The following RBFOX1 variants were observed in gnomAD, a reference collection of about 807,000 sequenced individuals.
RBFOX1 encodes RNA binding protein fox-1 homolog 1.
Under a neutral mutation model 57.7 loss-of-function variants are expected in RBFOX1, and 8 were observed. The observed-to-expected ratio is 0.14, with a 90% CI of 0.08 to 0.25. The LOEUF is 0.25. Among genes scored for constraint, RBFOX1 ranks in the 10% least tolerant of loss-of-function variants. The pLI is 1.00. For synonymous variants in RBFOX1, 326 were observed against 222.4 expected (o/e 1.47, Z -4.15); for missense variants, 611 against 548.5 (o/e 1.11, Z -1.14).
At chr16:5,861,642 G>A (rs1567639503) in intron 3 of RBFOX1, among the ~76,000 whole-genome samples, 1 of 152,126 alleles carries the variant, frequency 6.6e-6, no homozygotes, top group African/African-American at 2.4e-5. Flanking sequence ...TCACCCATAG[G>A]ACTCCCCCTA....
chr16:7,638,279 G>A (rs1261858815), intron 11 of RBFOX1, among the ~76,000 whole-genome samples: 1 of 152,196 alleles, frequency 6.6e-6, no homozygotes, highest in Non-Finnish European at 1.5e-5. Flanking sequence ...CTATAGGACA[G>A]GTATGATTAA....
chr16:5,691,879 G>T (rs1306391498), intron 3 of RBFOX1, among the ~76,000 whole-genome samples: 1 of 152,182 alleles, frequency 6.6e-6, no homozygotes, highest in Admixed American at 6.5e-5. Flanking sequence ...ATCCAGTTGG[G>T]ATTCAAGCCA....
intron 2 of RBFOX1, among the ~76,000 whole-genome samples, chr16:5,500,195 T>TTCATTCCATTC (rs1567166460): frequency 7.0e-5 from 9 of 127,734 alleles, no homozygotes; most frequent in East Asian, 2.7e-4. Context: ...CTCCCTCCCT[T>TTCATTCCATTC]CATTCCATTC....
At chr16:7,695,285 C>A (rs571652135) in intron 14 of RBFOX1, among the ~76,000 whole-genome samples, 16 of 152,158 alleles carry the variant, frequency 1.1e-4, no homozygotes, top group African/African-American at 3.9e-4. Context: ...TATCTCCCAG[C>A]AAGTTCACCT....
chr16:6,208,577 G>A (rs868456259), intron 1 of RBFOX1, among the ~76,000 whole-genome samples: 10 of 152,178 alleles, frequency 6.6e-5, no homozygotes, highest in African/African-American at 2.4e-4. Context: ...CAAAGTGCCT[G>A]ATGTAGATCA....
At chr16:7,390,010 G>T (rs1046179973) in intron 4 of RBFOX1, among the ~76,000 whole-genome samples, 6 of 152,228 alleles carry the variant, frequency 3.9e-5, no homozygotes, top group South Asian at 4.2e-4. Flanking sequence ...TTCTGGGGAG[G>T]CCTCAGGAAA....
chr16:6,667,755 G>T (rs2098741761), intron 3 of RBFOX1, among the ~76,000 whole-genome samples: 1 of 152,006 alleles, frequency 6.6e-6, no homozygotes, highest in Non-Finnish European at 1.5e-5. Flanking sequence ...TAGGCATGAT[G>T]GTGCGTGCCT....
intron 2 of RBFOX1, among the ~76,000 whole-genome samples, chr16:5,554,545 C>T (rs951897713): frequency 7.2e-5 from 11 of 152,008 alleles, no homozygotes; most frequent in Non-Finnish European, 1.6e-4. Flanking sequence ...TTAGCAACTT[C>T]AATCAGATAG....
intron 3 of RBFOX1, among the ~76,000 whole-genome samples, chr16:5,770,177 G>C (rs748090414): frequency 2.0e-5 from 3 of 151,984 alleles, no homozygotes; most frequent in Non-Finnish European, 4.4e-5. Context: ...TCTCATGTTG[G>C]ACCTGAGGTA....
chr16:6,705,711 A>G (rs1205660901), intron 3 of RBFOX1, among the ~76,000 whole-genome samples: 2 of 152,204 alleles, frequency 1.3e-5, no homozygotes, highest in African/African-American at 4.8e-5. Flanking sequence ...AATGAGAAAT[A>G]AAGAGGGATA....
At chr16:5,971,242 T>C (rs2059956302) in intron 4 of RBFOX1, among the ~76,000 whole-genome samples, 2 of 152,248 alleles carry the variant, frequency 1.3e-5, no homozygotes, top group South Asian at 4.1e-4. Flanking sequence ...TGAGGATGTA[T>C]TTCTGAGCTG....
At chr16:7,706,588 A>G (rs1014684252) in intron 14 of RBFOX1, among the ~76,000 whole-genome samples, 3 of 152,222 alleles carry the variant, frequency 2.0e-5, no homozygotes, top group African/African-American at 4.8e-5. Flanking sequence ...TTAAAATAAT[A>G]TATCTGAATT....
At chr16:5,966,422 C>T (rs570020064) in intron 4 of RBFOX1, among the ~76,000 whole-genome samples, 170 of 152,128 alleles carry the variant, frequency 1.1e-3, no homozygotes, top group Non-Finnish European at 1.6e-3. Context: ...GGAGCAGGAG[C>T]AAGTGTGAGG....
chr16:6,675,576 A>C (rs1166129472), intron 3 of RBFOX1, among the ~76,000 whole-genome samples: 1 of 152,178 alleles, frequency 6.6e-6, no homozygotes, highest in African/African-American at 2.4e-5. Flanking sequence ...CTGCTGATAA[A>C]GATGTACCTG....
intron 1 of RBFOX1, among the ~76,000 whole-genome samples, chr16:6,310,469 C>G (rs1427839169): frequency 6.6e-6 from 1 of 152,124 alleles, no homozygotes; most frequent in South Asian, 2.1e-4. Context: ...CTGTTTGGCT[C>G]CAGTAATATT....
chr16:7,627,989 T>TA lies in RBFOX1; in HGVS notation c.677-2606dup, dbSNP rs1003957296. ...TCCAGGTTCTCAGAATCCACAGCAT[T>TA]AAAAAAAATTAGGAATGCTTCATTA... On this transcript the variant is annotated intron_variant, in intron 10 of 15. Coordinates refer to ENST00000550418, the MANE Select transcript of RBFOX1 (RefSeq NM_018723.4). Among the ~76,000 whole-genome samples, 194 of 151,648 alleles carry TA rather than the reference T, an allele frequency of 1.3e-3. 3 individuals carry two copies. Among genetic ancestry groups the TA allele is most frequent in the Non-Finnish European group, 6.6e-4 (45 of 67,860 alleles).
At chr16:6,742,597 G>C (rs1180905544) in intron 3 of RBFOX1, among the ~76,000 whole-genome samples, 2 of 152,112 alleles carry the variant, frequency 1.3e-5, no homozygotes, top group African/African-American at 4.8e-5. Context: ...ATCTACAGTA[G>C]GTGAATGGTT....
chr16:7,566,546 C>T (rs2091728867), intron 5 of RBFOX1, among the ~76,000 whole-genome samples: 1 of 152,096 alleles, frequency 6.6e-6, no homozygotes, highest in African/African-American at 2.4e-5. Flanking sequence ...GACAGATCGC[C>T]TAACCTCTCT....
At chr16:7,059,114 C>T (rs1336095336) in intron 4 of RBFOX1, among the ~76,000 whole-genome samples, 1 of 152,168 alleles carries the variant, frequency 6.6e-6, no homozygotes, top group Non-Finnish European at 1.5e-5. Flanking sequence ...TTAAACCCAT[C>T]GCCTTCATCT....
Sources: gnomAD v4.1 joint callset for allele counts (sites outside exome capture counted in the v4.1 genomes callset) on GRCh38, gnomAD v4.1.1 for gene constraint, MANE v1.5 for transcripts, NCBI Gene and HGNC (gene_info 2026-07-23, HGNC 2026-07-21) for gene names.